The following CFAP54 variants were observed in gnomAD, a reference collection of about 807,000 sequenced individuals.
CFAP54 encodes cilia- and flagella-associated protein 54.
Under a neutral mutation model 370.4 loss-of-function variants are expected in CFAP54, and 290 were observed. That is an observed-to-expected ratio of 0.78 (90% CI 0.71 to 0.86). CFAP54 has a LOEUF of 0.86. Among genes scored for constraint, CFAP54 ranks in the 40% least tolerant of loss-of-function variants. CFAP54 has a pLI of 0.00. For synonymous variants in CFAP54, 1,206 were observed against 1,236.5 expected, an observed-to-expected ratio of 0.98 and a Z score of 0.52; for missense variants, 3,399 against 3,528.7, an observed-to-expected ratio of 0.96 and a Z score of 0.93.
At chr12:96,651,084 C>T (rs552653557) in intron 35 of CFAP54, among the ~76,000 whole-genome samples, 16 of 152,344 alleles carry the variant, frequency 1.1e-4, no homozygotes, top group South Asian at 2.1e-4. Context: ...CAAATGCTAC[C>T]TCATCAGAGA....
intron 62 of CFAP54, among the ~76,000 whole-genome samples, chr12:96,788,279 C>G (rs1207704339): frequency 6.6e-6 from 1 of 152,136 alleles, no homozygotes; most frequent in Non-Finnish European, 1.5e-5. Flanking sequence ...TTAGCACATA[C>G]AGGGGAGGCA....
chr12:96,646,846 G>C (rs186505478), intron 33 of CFAP54: 1 of 152,088 alleles, frequency 6.6e-6, no homozygotes, highest in African/African-American at 2.4e-5. Flanking sequence ...GCAAACTATC[G>C]CAAGGACGAA....
intron 63 of CFAP54, 50 bp from the exon 64 acceptor site, chr12:96,811,686 A>G (rs1318263238): frequency 2.1e-6 from 2 of 958,292 alleles, no homozygotes; most frequent in East Asian, 5.6e-5. Context: ...TTTTTGAGCT[A>G]AACTCTAATT....
At chr12:96,750,242 C>G (rs1555317621) in intron 55 of CFAP54, among the ~76,000 whole-genome samples, 1 of 152,168 alleles carries the variant, frequency 6.6e-6, no homozygotes, top group Non-Finnish European at 1.5e-5. Context: ...TGTACCAGCT[C>G]TGTCTGTTCT....
At chr12:96,822,010 A>G (rs1959040908) in intron 65 of CFAP54, among the ~76,000 whole-genome samples, 1 of 152,126 alleles carries the variant, frequency 6.6e-6, no homozygotes, top group Non-Finnish European at 1.5e-5. Context: ...TTTTATGTAT[A>G]TCCCCCCAAA....
At chr12:96,539,751 A>T (rs890136911) in intron 13 of CFAP54, among the ~76,000 whole-genome samples, 1 of 152,136 alleles carries the variant, frequency 6.6e-6, no homozygotes, top group Admixed American at 6.6e-5. Flanking sequence ...CAAAAAGAAG[A>T]TTAATAATAG....
In CFAP54 at chr12:96,644,309, A is replaced by T. The variant is rs1226773542; in HGVS notation, c.4448A>T (p.Gln1483Leu). 1 of 1,536,018 alleles carries T rather than the reference A, an allele frequency of 6.5e-7. No homozygotes were observed. Among genetic ancestry groups the T allele is most frequent in the Non-Finnish European group, 8.7e-7 (1 of 1,146,798 alleles). Residue 1483 changes from glutamine to leucine, a missense_variant, in exon 33 of 68, where the codon CAG becomes CTG. Around this residue, in one of 3 missense-constraint regions of CFAP54, gnomAD observed 2,796 missense variants for 2,869.7 expected, o/e 0.97. Transcript: ENST00000524981. ...LSLEEMPWRA[Q>L]MNLYLAGAHF... ...CTTGAAGAGATGCCCTGGAGAGCTC[A>T]GATGAACCTGTATCTAGCAGGTGCA... is the stretch of plus-strand genomic sequence containing the variant.
chr12:96,826,323 AATAT>A (rs1447247308), intron 65 of CFAP54, among the ~76,000 whole-genome samples: 1 of 142,716 alleles, frequency 7.0e-6, no homozygotes, highest in African/African-American at 2.5e-5. Context: ...ATATATATTG[AATAT>A]ATATAGTCTA....
intron 60 of CFAP54, among the ~76,000 whole-genome samples, chr12:96,772,633 C>T (rs1039652795): frequency 2.3e-5 from 3 of 131,852 alleles, no homozygotes; most frequent in African/African-American, 3.7e-5. Flanking sequence ...GCTCTTGTTG[C>T]CCAGGCTGGA....
In CFAP54 at chr12:96,499,118, G is replaced by A. The variant is rs563078607; in HGVS notation, c.318-1716G>A. On this transcript the variant is annotated intron_variant, in intron 1 of 67. Coordinates refer to ENST00000524981, the MANE Select transcript of CFAP54 (RefSeq NM_001306084.2). Reference sequence around the variant, plus strand: ...TGAGTAGCAGGGACTACAGATGTGCGCCACCATGCCTGGCTAATTTTTGTA... The same window carrying A: ...TGAGTAGCAGGGACTACAGATGTGCACCACCATGCCTGGCTAATTTTTGTA... Among the ~76,000 whole-genome samples the A allele has an allele frequency of 2.3e-3, 350 of 152,132 alleles. 1 individual carries two copies. The highest frequency in any genetic ancestry group is 3.4e-3 in the Middle Eastern group (1 of 294).
At chr12:96,642,678 A>G (rs1157746247) in intron 32 of CFAP54, among the ~76,000 whole-genome samples, 1 of 152,142 alleles carries the variant, frequency 6.6e-6, no homozygotes, top group East Asian at 1.9e-4. Flanking sequence ...AATATATAGA[A>G]GGTAGTTTCA....
intron 65 of CFAP54, among the ~76,000 whole-genome samples, chr12:96,819,621 A>G (rs1959009945): frequency 6.6e-6 from 1 of 152,140 alleles, no homozygotes; most frequent in Non-Finnish European, 1.5e-5. Flanking sequence ...ATCAATATTC[A>G]GTGTTATGAC....
In CFAP54 at chr12:96,825,281, T is replaced by TAA. The variant is rs1454260256; in HGVS notation, c.9097-3733_9097-3732insAA. On this transcript the variant is annotated intron_variant, in intron 65 of 67. Transcript: ENST00000524981. ...ATTATATATAATATAACATGTTATA[T>TAA]TATATATAATATAATATATTATATA... 1.1e-4 allele frequency among the ~76,000 whole-genome samples: 14 copies of TAA among 126,020 alleles called. 1 individual carries two copies. The Admixed American group carries it at 1.3e-3, about 12-fold the overall frequency. The allele number at this position is 126,020 out of a possible 152,430, so 82.7% of individuals were successfully genotyped here.
intron 66 of CFAP54, among the ~76,000 whole-genome samples, chr12:96,857,409 G>A (rs150992763): frequency 0.017 from 2,573 of 152,018 alleles, 38 homozygotes; most frequent in African/African-American, 0.036. Context: ...CTGTTCCTGC[G>A]TTAGTTTGCT....
rs565956290 is a variant in CFAP54, at chr12:96,522,088, A to G, written c.1057A>G (p.Met353Val). ...RRYFREATMK[M>V]AVMIFKRGVF... Reference sequence around the variant, plus strand: ...TGTATAATTCTGCTTTTTGAGGCAGATGGCAGTGATGATCTTCAAAAGAGG... The same window carrying G: ...TGTATAATTCTGCTTTTTGAGGCAGGTGGCAGTGATGATCTTCAAAAGAGG... Residue 353 changes from methionine to valine, a missense_variant and splice_region_variant, in exon 8 of 68, where the codon ATG becomes GTG. Physicochemically the swap from Met to Val is conservative, Grantham distance 21. Coordinates refer to ENST00000524981, the MANE Select transcript of CFAP54 (RefSeq NM_001306084.2). 2 of 1,534,706 alleles carry G rather than the reference A, an allele frequency of 1.3e-6. No individual in the cohort carries two copies. The highest frequency in any genetic ancestry group is 2.4e-5 in the South Asian group (2 of 83,680).
chr12:96,696,175 G>A (rs1008099702), intron 45 of CFAP54, among the ~76,000 whole-genome samples: 1 of 152,148 alleles, frequency 6.6e-6, no homozygotes, highest in Non-Finnish European at 1.5e-5. Flanking sequence ...AGGGGGTGGG[G>A]TGGTTCAGTT....
intron 66 of CFAP54, among the ~76,000 whole-genome samples, chr12:96,858,539 A>T (rs944455274): frequency 1.3e-5 from 2 of 152,060 alleles, no homozygotes; most frequent in African/African-American, 4.8e-5. Context: ...GATTGTTTTT[A>T]GTGTCTTTGT....
intron 24 of CFAP54, among the ~76,000 whole-genome samples, chr12:96,594,041 TAAAA>T (rs994548140): frequency 2.6e-5 from 4 of 152,116 alleles, no homozygotes; most frequent in Non-Finnish European, 5.9e-5. Context: ...AGCTTATTGA[TAAAA>T]AAACTGGTTT....
intron 65 of CFAP54, among the ~76,000 whole-genome samples, chr12:96,823,838 C>T (rs578167494): frequency 6.6e-6 from 1 of 152,278 alleles, no homozygotes; most frequent in South Asian, 2.1e-4. Context: ...AGCACCTCGC[C>T]TGGAAGGGCA....
Sources: gnomAD v4.1 joint callset for allele counts (sites outside exome capture counted in the v4.1 genomes callset) on GRCh38, gnomAD v4.1.1 for gene constraint, gnomAD v4.1.1 regional missense constraint, MANE v1.5 for transcripts, NCBI Gene and HGNC (gene_info 2026-07-23, HGNC 2026-07-21) for gene names.